Variants in PAG1 observed in about 807,000 individuals in gnomAD.
The protein encoded by PAG1 is phosphoprotein associated with glycosphingolipid-enriched microdomains 1.
PAG1 carries 23 observed loss-of-function variants against 31.7 expected under a neutral mutation model. The ratio of observed to expected loss-of-function variants is 0.73; its 90% CI spans 0.52 to 1.03. The LOEUF (loss-of-function observed/expected upper bound fraction) is 1.03. Ranked by LOEUF, PAG1 falls within the 50% of genes least tolerant of loss-of-function variation. The pLI is 0.00. For missense variants in PAG1, 473 were observed against 540.7 expected (o/e 0.87, Z 1.24); for synonymous variants, 214 against 210.3 (o/e 1.02, Z -0.15).
intron 2 of PAG1, among the ~76,000 whole-genome samples, chr8:81,053,121 T>C (rs1808759519): frequency 6.6e-6 from 1 of 152,226 alleles, no homozygotes; most frequent in Non-Finnish European, 1.5e-5. Flanking sequence ...CAAGTGATAT[T>C]GATAAGAATG....
At chr8:81,030,734 T>G (rs1305366668) in intron 2 of PAG1, among the ~76,000 whole-genome samples, 1 of 152,198 alleles carries the variant, frequency 6.6e-6, no homozygotes, top group East Asian at 1.9e-4. Context: ...CTACCTGTTG[T>G]TCTGCTGTTT....
chr8:81,043,571 G>T (rs1178080391), intron 2 of PAG1, among the ~76,000 whole-genome samples: 1 of 152,124 alleles, frequency 6.6e-6, no homozygotes, highest in African/African-American at 2.4e-5. Context: ...TCAATGAATG[G>T]TGTGGTTATA....
At chr8:81,061,827 G>A (rs952124040) in intron 2 of PAG1, among the ~76,000 whole-genome samples, 2 of 152,206 alleles carry the variant, frequency 1.3e-5, no homozygotes, top group Non-Finnish European at 2.9e-5. Flanking sequence ...AGTCCTCTCT[G>A]AGAAGGTAGC....
At chr8:81,101,781 A>C (rs1809614077) in intron 1 of PAG1, among the ~76,000 whole-genome samples, 1 of 152,176 alleles carries the variant, frequency 6.6e-6, no homozygotes, top group Non-Finnish European at 1.5e-5. Context: ...ATGGTATTCA[A>C]ATTAGATTAC....
intron 3 of PAG1, among the ~76,000 whole-genome samples, chr8:81,028,616 A>G (rs1050895230): frequency 2.0e-5 from 3 of 152,262 alleles, no homozygotes; most frequent in Non-Finnish European, 4.4e-5. Context: ...CACTGAAAGG[A>G]AAACTGTTTC....
rs558790339 is a variant in PAG1 at position 81,003,699 on chromosome 8, T to C, written c.-80-10392A>G. Among the ~76,000 whole-genome samples the C allele has an allele frequency of 3.3e-5, 5 of 152,308 alleles. No homozygotes were observed. The East Asian group carries it at 9.6e-4, about 29-fold the overall frequency. On this transcript the variant is annotated intron_variant, in intron 3 of 8. Coordinates refer to ENST00000220597, the MANE Select transcript of PAG1 (RefSeq NM_018440.4). Reference sequence around the variant, plus strand: ...TCATTTCAAAAGAAGCTAAGGGTTCTTTTGAACCCTTAGTTTCTATCATTT... The same window carrying C: ...TCATTTCAAAAGAAGCTAAGGGTTCCTTTGAACCCTTAGTTTCTATCATTT...
At position 80,990,934 on chromosome 8, in the gene PAG1, AAT is replaced by A. The variant is rs928687385; in HGVS notation, c.177+543_177+544del. 1.3e-5 allele frequency among the ~76,000 whole-genome samples: 2 copies of A among 152,046 alleles called. No individual in the cohort carries two copies. Among genetic ancestry groups the A allele is most frequent in the African/African-American group, 4.8e-5 (2 of 41,330 alleles). On this transcript the variant is annotated intron_variant, in intron 5 of 8. Coordinates refer to ENST00000220597, the MANE Select transcript of PAG1 (RefSeq NM_018440.4). This position sits in a 1 kb window ranked among gnomAD's most constrained non-coding sequence, Gnocchi z 5.1. ...GCTACAGTAGGGTGGGCACTAGTCC[AAT>A]ATGTCTGGTGTCTTTATAAAATGGG...
chr8:81,043,423 T>C (rs1182517479), intron 2 of PAG1, among the ~76,000 whole-genome samples: 2 of 152,202 alleles, frequency 1.3e-5, no homozygotes, highest in Non-Finnish European at 2.9e-5. Context: ...AAAGAGTCTT[T>C]CTTTCTTTGT....
intron 1 of PAG1, among the ~76,000 whole-genome samples, chr8:81,096,454 G>T (rs1157479625): frequency 1.3e-5 from 2 of 152,150 alleles, no homozygotes; most frequent in Non-Finnish European, 2.9e-5. Flanking sequence ...AAGAATAAAA[G>T]AAAACTACAA....
At chr8:81,053,119 A>T (rs921515478) in intron 2 of PAG1, among the ~76,000 whole-genome samples, 1 of 152,350 alleles carries the variant, frequency 6.6e-6, no homozygotes, top group South Asian at 2.1e-4. Flanking sequence ...TTCAAGTGAT[A>T]TTGATAAGAA....
intron 1 of PAG1, among the ~76,000 whole-genome samples, chr8:81,102,940 A>G (rs1809631825): frequency 6.6e-6 from 1 of 152,202 alleles, no homozygotes; most frequent in African/African-American, 2.4e-5. Context: ...GCTAAATTTT[A>G]TTTTTTATAC....
chr8:80,984,856 C>G lies in PAG1; in HGVS notation c.796G>C (p.Asp266His). Residue 266 changes from aspartate to histidine, a missense_variant, in exon 7 of 9, where the codon GAC becomes CAC. Coordinates refer to ENST00000220597, the MANE Select transcript of PAG1 (RefSeq NM_018440.4). ...APPPVPVKLLDENENLQEKEG... is the reference protein window; with the variant it reads ...APPPVPVKLLHENENLQEKEG... ...TTCTCCTGAAGGTTTTCATTCTCGTCCAGAAGCTTAACAGGGACAGGTGGT... is the reference window on the plus strand; with the variant it reads ...TTCTCCTGAAGGTTTTCATTCTCGTGCAGAAGCTTAACAGGGACAGGTGGT... The G allele has an allele frequency of 1.2e-6, 2 of 1,614,126 alleles. No individual in the cohort carries two copies. The highest frequency in any genetic ancestry group is 1.7e-6 in the Non-Finnish European group (2 of 1,180,006).
intron 3 of PAG1, among the ~76,000 whole-genome samples, chr8:81,014,003 T>C (rs1358257145): frequency 6.6e-6 from 1 of 152,226 alleles, no homozygotes; most frequent in Non-Finnish European, 1.5e-5. Flanking sequence ...CATATTTGCA[T>C]TGACATTTTA....
At chr8:81,064,364 C>T (rs1158004897) in intron 2 of PAG1, among the ~76,000 whole-genome samples, 1 of 152,170 alleles carries the variant, frequency 6.6e-6, no homozygotes, top group Non-Finnish European at 1.5e-5. Flanking sequence ...CCACTCACCT[C>T]CTGCTGTGTG....
intron 1 of PAG1, among the ~76,000 whole-genome samples, chr8:81,091,339 G>T (rs1809443043): frequency 6.6e-6 from 1 of 152,094 alleles, no homozygotes; most frequent in Non-Finnish European, 1.5e-5. Context: ...TCCAAAAGAT[G>T]CACTAAACAC....
At chr8:81,011,288 G>A (rs1412988769) in intron 3 of PAG1, among the ~76,000 whole-genome samples, 1 of 152,192 alleles carries the variant, frequency 6.6e-6, no homozygotes, top group African/African-American at 2.4e-5. Flanking sequence ...GAGAGACCTG[G>A]CGGGAGATAA....
intron 2 of PAG1, among the ~76,000 whole-genome samples, chr8:81,064,052 G>A (rs898870486): frequency 6.6e-6 from 1 of 151,842 alleles, no homozygotes; most frequent in Non-Finnish European, 1.5e-5. Flanking sequence ...CTGTTAATAA[G>A]AAGTCAACAT....
At chr8:81,010,321 C>T (rs890123753) in intron 3 of PAG1, among the ~76,000 whole-genome samples, 6 of 152,158 alleles carry the variant, frequency 3.9e-5, no homozygotes, top group African/African-American at 1.2e-4. Flanking sequence ...AACATAAAGA[C>T]TCAGATTTAG....
intron 1 of PAG1, among the ~76,000 whole-genome samples, chr8:81,109,734 C>CAA (rs1171642262): frequency 6.6e-6 from 1 of 152,186 alleles, no homozygotes; most frequent in African/African-American, 2.4e-5. Context: ...TCTATGAACT[C>CAA]ATTTAATTCT....
Sources: allele counts gnomAD v4.1 joint callset (sites outside exome capture counted in the v4.1 genomes callset), GRCh38; gene constraint gnomAD v4.1.1; non-coding constraint Gnocchi (gnomAD v3.1); transcripts MANE v1.5; gene names NCBI Gene and HGNC (gene_info 2026-07-23, HGNC 2026-07-21).